The following NECTIN4 variants were observed in gnomAD, a reference collection of about 807,000 sequenced individuals.
The protein encoded by NECTIN4 is nectin cell adhesion molecule 4.
Under a neutral mutation model 51.7 loss-of-function variants are expected in NECTIN4, and 19 were observed. The observed-to-expected ratio is 0.37, with a 90% CI of 0.26 to 0.54. The LOEUF (loss-of-function observed/expected upper bound fraction) is 0.54, where lower values mean the gene tolerates loss of function less well. Ranked by LOEUF, NECTIN4 falls within the 20% of genes least tolerant of loss-of-function variation. NECTIN4 has a pLI of 0.86. For missense variants in NECTIN4, 619 were observed against 662.4 expected (o/e 0.93, Z 0.72); for synonymous variants, 283 against 286.9 (o/e 0.99, Z 0.14).
chr1:161,077,865 A>C, intron 2 of NECTIN4, 122 bp from the exon 3 acceptor site: 3 of 877,166 alleles, frequency 3.4e-6, no homozygotes, highest in Non-Finnish European at 5.1e-6. Context: ...CTCTTATTTC[A>C]TGGAGACGCA....
Position 161,079,770 on chromosome 1 carries a change from C to A in NECTIN4, c.259G>T (p.Gly87Trp). The A allele has an allele frequency of 1.2e-6, 2 of 1,612,654 alleles. No individual in the cohort carries two copies. Among genetic ancestry groups the A allele is most frequent in the Non-Finnish European group, 1.7e-6 (2 of 1,179,968 alleles). The change falls in exon 2 of 9, where the codon GGG becomes TGG. Residue 87 changes from glycine to tryptophan, a missense_variant. Around this residue, in one of 3 missense-constraint regions of NECTIN4, gnomAD observed 218 missense variants for 186.3 expected, o/e 1.17. Coordinates refer to ENST00000368012, the MANE Select transcript of NECTIN4 (RefSeq NM_030916.3). Reference sequence around the variant, plus strand: ...TCGTAAGCCGGGCTCACATGAAGCCCGTATTTGGAGTGCAGTAGCGCTAGT... The same window carrying A: ...TCGTAAGCCGGGCTCACATGAAGCCAGTATTTGGAGTGCAGTAGCGCTAGT... Reference protein sequence around the residue: ...QELALLHSKYGLHVSPAYEGR... With the variant: ...QELALLHSKYWLHVSPAYEGR...
rs372078522 is a variant in NECTIN4 at position 161,074,762 on chromosome 1, G to A, written c.852-3C>T. On this transcript the variant is annotated splice_region_variant and splice_polypyrimidine_tract_variant and intron_variant, in intron 4 of 8. Transcript: ENST00000368012. ...CACTGGGCAGAGGCCCATCCAGCCTGGAAGACAGGGAAGCTGAAGGGTGCC... is the reference window on the plus strand; with the variant it reads ...CACTGGGCAGAGGCCCATCCAGCCTAGAAGACAGGGAAGCTGAAGGGTGCC... The A allele has an allele frequency of 1.9e-6, 3 of 1,612,798 alleles. No homozygotes were observed. The African/African-American group carries it at 4.0e-5, about 22-fold the overall frequency.
intron 1 of NECTIN4, 22 bp from the exon 2 acceptor site, chr1:161,079,971 A>T: frequency 1.3e-6 from 2 of 1,579,382 alleles, no homozygotes; most frequent in Non-Finnish European, 1.7e-6. Flanking sequence ...AGAGAGGGAC[A>T]GCCACCATTA....
chr1:161,086,425 G>A (rs114871329), intron 1 of NECTIN4, among the ~76,000 whole-genome samples: 2,253 of 152,304 alleles, frequency 0.015, 23 homozygotes, highest in Non-Finnish European at 0.023. Flanking sequence ...CTGTAAACAG[G>A]AGTAGAAAAG....
chr1:161,081,952 G>T (rs1461020452), intron 1 of NECTIN4, among the ~76,000 whole-genome samples: 2 of 152,134 alleles, frequency 1.3e-5, no homozygotes, highest in African/African-American at 4.8e-5. Flanking sequence ...TCAGTGGTAT[G>T]TGGGTTCCGT....
rs1416191988 is a variant in NECTIN4, at chr1:161,072,642, G to T, written c.*19C>A. 6.2e-7 allele frequency: 1 copy of T among 1,600,222 alleles called. No homozygotes were observed. Among genetic ancestry groups the T allele is most frequent in the Non-Finnish European group, 8.6e-7 (1 of 1,167,304 alleles). On this transcript the variant is annotated 3_prime_UTR_variant, in exon 9 of 9. Coordinates refer to ENST00000368012, the MANE Select transcript of NECTIN4 (RefSeq NM_030916.3). The stretch of plus-strand genomic sequence containing the variant: ...GTCAACAGAAGGAGCCAGGCCTAGG[G>T]AAGGGAGGCAGGCCTGGGTCAGACC...
intron 2 of NECTIN4, 40 bp downstream of exon 2, chr1:161,079,550 T>C (rs746846922): frequency 3.1e-5 from 49 of 1,598,996 alleles, no homozygotes; most frequent in Non-Finnish European, 4.0e-5. Context: ...TCCCCCTGCA[T>C]CCACAGCGGC....
Position 161,077,568 on chromosome 1 carries a change from G to A in NECTIN4, c.615C>T (p.Thr205=), listed in dbSNP as rs74595029. 876 of 1,614,066 alleles carry A rather than the reference G, an allele frequency of 5.4e-4. 11 individuals carry two copies. In the East Asian group the frequency reaches 0.019, roughly 35 times the overall value. Residue 205 remains threonine, a synonymous_variant, in exon 3 of 9, where the codon ACC becomes ACT. Transcript: ENST00000368012. ...GGCTAGGCACCAAGTGGAACTCTGA[G>A]GTGACGGCAGCAGAGCGGGAGTGCT... is the stretch of plus-strand genomic sequence containing the variant. The part of the protein sequence containing the change: ...SFKHSRSAAV[T]SEFHLVPSRS...
At chr1:161,075,773 AAAAAAT>A (rs1377543477) in intron 4 of NECTIN4, among the ~76,000 whole-genome samples, 1 of 151,136 alleles carries the variant, frequency 6.6e-6, no homozygotes, top group African/African-American at 2.4e-5. Context: ...CTCCATCTCA[AAAAAAT>A]AAAAATAAAA....
chr1:161,073,167 G>A, intron 8 of NECTIN4, 58 bp downstream of exon 8: 2 of 1,486,268 alleles, frequency 1.3e-6, no homozygotes, highest in Non-Finnish European at 9.4e-7. Flanking sequence ...CCATATCTGG[G>A]ACCAGGACAG....
chr1:161,083,549 C>A (rs1277080436), intron 1 of NECTIN4, among the ~76,000 whole-genome samples: 1 of 152,236 alleles, frequency 6.6e-6, no homozygotes, highest in African/African-American at 2.4e-5. Flanking sequence ...TTTACTGAGG[C>A]TGGTGGACTC....
intron 4 of NECTIN4, among the ~76,000 whole-genome samples, 189 bp from the exon 5 acceptor site, chr1:161,074,948 C>A (rs1410306252): frequency 6.6e-6 from 1 of 152,252 alleles, no homozygotes; most frequent in Non-Finnish European, 1.5e-5. Flanking sequence ...CCCAGCCTGA[C>A]CTGGGCACCC....
intron 2 of NECTIN4, 124 bp downstream of exon 2, chr1:161,079,465 TC>T: frequency 7.6e-7 from 1 of 1,308,322 alleles, no homozygotes; most frequent in Non-Finnish European, 1.0e-6. Flanking sequence ...TGAAGCTCCC[TC>T]ACCTGAACAT....
chr1:161,083,850 C>T (rs2101674554), intron 1 of NECTIN4, among the ~76,000 whole-genome samples: 1 of 152,364 alleles, frequency 6.6e-6, no homozygotes, highest in Middle Eastern at 3.4e-3. Flanking sequence ...CTGGCTGGCT[C>T]TTCCCCACCC....
chr1:161,072,690 A>G lies in NECTIN4; in HGVS notation c.1504T>C (p.Tyr502His). The G allele has an allele frequency of 6.2e-7, 1 of 1,614,224 alleles. No homozygotes were observed. The highest frequency in any genetic ancestry group is 8.5e-7 in the Non-Finnish European group (1 of 1,180,020). ...ACCAGGTGTCCCCGCCCATTGATGT[A>G]GATGCCATTGCCCGTGGGCTTGGCC... is the stretch of plus-strand genomic sequence containing the variant. ...LRAKPTGNGIYINGRGHLV is the reference protein window; with the variant it reads ...LRAKPTGNGIHINGRGHLV The change falls in exon 9 of 9, where the codon TAC becomes CAC. Residue 502 changes from tyrosine to histidine, a missense_variant. Tyr to His is a moderately conservative substitution (Grantham distance 83). Transcript: ENST00000368012.
intron 4 of NECTIN4, among the ~76,000 whole-genome samples, chr1:161,076,054 G>A (rs552876470): frequency 2.1e-4 from 32 of 152,226 alleles, no homozygotes; most frequent in Admixed American, 3.3e-4. Flanking sequence ...CCAGCCTGGC[G>A]ACAGAGCAAG....
Position 161,079,570 on chromosome 1 carries a change from A to G in NECTIN4, c.439+20T>C, listed in dbSNP as rs762444499. The G allele has an allele frequency of 3.7e-6, 6 of 1,601,610 alleles. No homozygotes were observed. In the African/African-American group the frequency reaches 5.3e-5, roughly 14 times the overall value. On this transcript the variant is annotated intron_variant, in intron 2 of 8. Transcript: ENST00000368012. ...CTGCATCCACAGCGGCTCAGACCGTACCCAGAGATCCCCGCTTACCCAGCA... is the reference window on the plus strand; with the variant it reads ...CTGCATCCACAGCGGCTCAGACCGTGCCCAGAGATCCCCGCTTACCCAGCA...
At chr1:161,088,773 T>G (rs1571166599) in intron 1 of NECTIN4, among the ~76,000 whole-genome samples, 1 of 152,170 alleles carries the variant, frequency 6.6e-6, no homozygotes, top group African/African-American at 2.4e-5. Flanking sequence ...TGCACCCTGA[T>G]GACTGCAGAA....
chr1:161,074,244 C>A lies in NECTIN4; in HGVS notation c.1130G>T (p.Arg377Leu). The A allele has an allele frequency of 1.9e-6, 3 of 1,614,098 alleles. No homozygotes were observed. The highest frequency in any genetic ancestry group is 1.6e-4 in the Middle Eastern group (1 of 6,062). Residue 377 changes from arginine (R) to leucine (L), a missense_variant, in exon 6 of 9, where the codon CGC becomes CTC. This residue lies in a region of NECTIN4 where 364 missense variants were observed against 415.7 expected (regional missense o/e 0.88). Transcript: ENST00000368012. ...TTTCTGGGTCATCTGCTGGGCCTTG[C>A]GCCGATGGTATCGGGACATGAGCAC... ...VVVLMSRYHRRKAQQMTQKYE... is the reference protein window; with the variant it reads ...VVVLMSRYHRLKAQQMTQKYE...
Sources: allele counts gnomAD v4.1 joint callset (sites outside exome capture counted in the v4.1 genomes callset), GRCh38; gene constraint gnomAD v4.1.1; regional missense constraint gnomAD v4.1.1; transcripts MANE v1.5; gene names NCBI Gene and HGNC (gene_info 2026-07-23, HGNC 2026-07-21).